Variants in RAB27B observed in about 807,000 individuals in gnomAD.
The protein encoded by RAB27B is ras-related protein Rab-27B.
A neutral mutation model predicts 24.6 loss-of-function variants in RAB27B; 15 were observed. The ratio of observed to expected loss-of-function variants is 0.61; its 90% CI spans 0.41 to 0.94. RAB27B has a LOEUF of 0.94. RAB27B is among the 40% of genes least tolerant of loss of function. The probability of loss-of-function intolerance (pLI) is 0.00; values close to 1 mark genes in which losing one functional copy is unlikely to be tolerated. For synonymous variants in RAB27B, 105 were observed against 92.5 expected (o/e 1.14, Z -0.78); for missense variants, 261 against 266.8 (o/e 0.98, Z 0.15).
At chr18:54,720,390 A>T (rs1390091223) in intron 2 of RAB27B, among the ~76,000 whole-genome samples, 2 of 152,136 alleles carry the variant, frequency 1.3e-5, no homozygotes, top group Admixed American at 6.5e-5. Context: ...TAGCAAAAAT[A>T]GTTCCAATAA....
chr18:54,832,428 G>A (rs1910718552), intron 1 of RAB27B, among the ~76,000 whole-genome samples: 1 of 152,302 alleles, frequency 6.6e-6, no homozygotes, highest in African/African-American at 2.4e-5. Flanking sequence ...TTTATTTGCA[G>A]CCTTTTGAAG....
upstream of RAB27B, among the ~76,000 whole-genome samples, chr18:54,825,914 G>A (rs546778476): frequency 2.6e-5 from 4 of 152,320 alleles, no homozygotes; most frequent in Non-Finnish European, 5.9e-5. Context: ...CCCAGGTTTT[G>A]CAGGAAGAAT....
chr18:54,806,776 C>A (rs182857324), intron 2 of RAB27B, among the ~76,000 whole-genome samples: 242 of 151,246 alleles, frequency 1.6e-3, no homozygotes, highest in African/African-American at 5.5e-3. Context: ...GAAAAACATT[C>A]AAAAAAAATT....
chr18:54,888,328 C>T (rs891690087), intron 5 of RAB27B, among the ~76,000 whole-genome samples: 9 of 152,114 alleles, frequency 5.9e-5, no homozygotes, highest in Non-Finnish European at 1.0e-4. Flanking sequence ...AATGTGCTAG[C>T]AACAGTTCCT....
At chr18:54,769,047 G>T (rs1908456494) in intron 2 of RAB27B, among the ~76,000 whole-genome samples, 1 of 152,034 alleles carries the variant, frequency 6.6e-6, no homozygotes, top group South Asian at 2.1e-4. Flanking sequence ...GTCCCCCAAA[G>T]TCTTAACTCA....
intron 1 of RAB27B, among the ~76,000 whole-genome samples, chr18:54,830,381 C>G (rs1447012286): frequency 6.6e-6 from 1 of 152,224 alleles, no homozygotes; most frequent in Non-Finnish European, 1.5e-5. Flanking sequence ...TTTGGGCTCT[C>G]AGATCAGTAC....
chr18:54,894,425 C>T lies in RAB27B; in HGVS notation c.*5012C>T, dbSNP rs1183875527. On this transcript the variant is annotated 3_prime_UTR_variant, in exon 6 of 6. Coordinates refer to ENST00000262094, the MANE Select transcript of RAB27B (RefSeq NM_004163.4). ...CATGTCTGACCTTAACTTAATGGATCCCTTATTCAATCAGTGGCTTCTGTC... is the reference window on the plus strand; with the variant it reads ...CATGTCTGACCTTAACTTAATGGATTCCTTATTCAATCAGTGGCTTCTGTC... The T allele has an allele frequency of 1.3e-5, 2 of 152,018 alleles. No individual in the cohort carries two copies. Among genetic ancestry groups the T allele is most frequent in the African/African-American group, 4.8e-5 (2 of 41,430 alleles). The allele number at this position is 152,018 out of a possible 1,614,324, so 9.4% of individuals were successfully genotyped here.
chr18:54,823,494 A>G (rs908502660), upstream of RAB27B, among the ~76,000 whole-genome samples: 10 of 152,208 alleles, frequency 6.6e-5, no homozygotes, highest in African/African-American at 2.2e-4. Flanking sequence ...TCAGTGACTC[A>G]TGCTACTAAA....
At chr18:54,772,885 C>T (rs529356200) in intron 2 of RAB27B, among the ~76,000 whole-genome samples, 136 of 152,242 alleles carry the variant, frequency 8.9e-4, no homozygotes, top group African/African-American at 3.2e-3. Context: ...TTTCTTTGTA[C>T]AACTTTCCCT....
At chr18:54,761,301 CAAAT>C (rs926866497) in intron 2 of RAB27B, among the ~76,000 whole-genome samples, 1 of 152,048 alleles carries the variant, frequency 6.6e-6, no homozygotes, top group African/African-American at 2.4e-5. Flanking sequence ...TATTTTCACT[CAAAT>C]AGATAGAGTG....
intron 2 of RAB27B, among the ~76,000 whole-genome samples, chr18:54,797,325 A>G (rs1364550671): frequency 6.6e-6 from 1 of 152,138 alleles, no homozygotes; most frequent in Non-Finnish European, 1.5e-5. Flanking sequence ...TAGGAATTCA[A>G]GACCAGCCTG....
chr18:54,761,378 T>G (rs781389997), intron 2 of RAB27B, among the ~76,000 whole-genome samples: 6 of 152,230 alleles, frequency 3.9e-5, no homozygotes, highest in Admixed American at 3.9e-4. Context: ...CATTTATTCA[T>G]CTCTGCCACA....
At chr18:54,867,934 T>C (rs1463116542) in intron 1 of RAB27B, among the ~76,000 whole-genome samples, 3 of 152,156 alleles carry the variant, frequency 2.0e-5, no homozygotes, top group African/African-American at 7.2e-5. Context: ...TGGCTTCCCG[T>C]GGAACTGCAC....
Position 54,812,550 on chromosome 18 carries a change from A to AACACACACACAC in RAB27B, c.-19-64984_-19-64973dup, listed in dbSNP as rs10595171. Among the ~76,000 whole-genome samples the AACACACACACAC allele has an allele frequency of 5.2e-3, 727 of 139,202 alleles. 7 individuals are homozygous for AACACACACACAC. Among genetic ancestry groups the AACACACACACAC allele is most frequent in the Middle Eastern group, 0.015 (4 of 274 alleles). 91.3% of individuals were successfully genotyped at this position (139,202 alleles called of 152,430 possible). On this transcript the variant is annotated intron_variant, in intron 2 of 4. Coordinates refer to the RAB27B transcript ENST00000586570. ...AGAAGTCTGACCATGGAACTCCTTT[A>AACACACACACAC]ACACACACACACACACACACACACA...
rs917874352 is a variant in RAB27B at position 54,743,785 on chromosome 18, C to G, written c.-20+25644C>G. Among the ~76,000 whole-genome samples the G allele has an allele frequency of 5.9e-5, 9 of 152,134 alleles. No homozygotes were observed. The East Asian group carries it at 1.3e-3, about 23-fold the overall frequency. ...CATAGATCCTTGATAGAACTGTGGC[C>G]TTTATGCCCAGTGAGATGAGAAACC... On this transcript the variant is annotated intron_variant, in intron 2 of 4. Coordinates refer to the RAB27B transcript ENST00000586570.
chr18:54,889,338 C>T lies in RAB27B; in HGVS notation c.582C>T (p.Ile194=), dbSNP rs780636921. Residue 194 remains isoleucine (I), a synonymous_variant, in exon 6 of 6, where the codon ATC becomes ATT. Transcript: ENST00000262094. The part of the protein sequence containing the change: ...RMEQCVEKTQ[I]PDTVNGGNSG... Reference sequence around the variant, plus strand: ...AACAGTGTGTGGAGAAGACACAAATCCCTGATACTGTCAATGGTGGAAATT... The same window carrying T: ...AACAGTGTGTGGAGAAGACACAAATTCCTGATACTGTCAATGGTGGAAATT... 2 of 1,613,290 alleles carry T rather than the reference C, an allele frequency of 1.2e-6. No homozygotes were observed. The highest frequency in any genetic ancestry group is 3.3e-5 in the Admixed American group (2 of 59,970).
rs1913394353 is a variant in RAB27B at position 54,892,197 on chromosome 18, A to G, written c.*2784A>G. 6.6e-6 allele frequency: 1 copy of G among 152,106 alleles called. No individual in the cohort carries two copies. Among genetic ancestry groups the G allele is most frequent in the Non-Finnish European group, 1.5e-5 (1 of 67,996 alleles). The allele number at this position is 152,106 out of a possible 1,614,324, so 9.4% of individuals were successfully genotyped here. ...AACGTATTTAGGAGAAATGTTGAAA[A>G]TGTACATGAAGCTCCTTTCTGATAT... On this transcript the variant is annotated 3_prime_UTR_variant, in exon 6 of 6. Coordinates refer to ENST00000262094, the MANE Select transcript of RAB27B (RefSeq NM_004163.4).
At chr18:54,812,235 A>G (rs948431663) in intron 2 of RAB27B, among the ~76,000 whole-genome samples, 3 of 152,070 alleles carry the variant, frequency 2.0e-5, no homozygotes, top group African/African-American at 4.8e-5. Flanking sequence ...ATTGAGATCA[A>G]TAGTTGGCAA....
In RAB27B at chr18:54,894,490, G is replaced by A. The variant is rs1396224676; in HGVS notation, c.*5077G>A. The A allele has an allele frequency of 1.3e-5, 2 of 152,008 alleles. No homozygotes were observed. The highest frequency in any genetic ancestry group is 2.4e-5 in the African/African-American group (1 of 41,414). 9.4% of individuals were successfully genotyped at this position (152,008 alleles called of 1,614,324 possible). ...CATATCAAAATGGTTTCTGTTCCTA[G>A]AAAAGTAATAACATATGCTTATCTT... On this transcript the variant is annotated 3_prime_UTR_variant, in exon 6 of 6. Coordinates refer to ENST00000262094, the MANE Select transcript of RAB27B (RefSeq NM_004163.4).
Sources: gnomAD v4.1 joint callset for allele counts (sites outside exome capture counted in the v4.1 genomes callset) on GRCh38, gnomAD v4.1.1 for gene constraint, MANE v1.5 for transcripts, NCBI Gene and HGNC (gene_info 2026-07-23, HGNC 2026-07-21) for gene names.